Variants in ZCCHC17 observed in about 807,000 individuals in gnomAD.
ZCCHC17 encodes zinc finger CCHC-type containing 17, also known as zinc finger CCHC domain-containing protein 17.
In ZCCHC17, 18 loss-of-function variants were observed where a neutral mutation model predicts 30.6. That is an observed-to-expected ratio of 0.59 (90% CI 0.41 to 0.87). ZCCHC17 has a LOEUF of 0.87. Ranked by LOEUF, ZCCHC17 falls within the 40% of genes least tolerant of loss-of-function variation. The probability of loss-of-function intolerance (pLI) is 0.00; values close to 1 mark genes in which losing one functional copy is unlikely to be tolerated. For missense variants in ZCCHC17, 263 were observed against 284.2 expected (o/e 0.93, Z 0.54); for synonymous variants, 88 against 92.4 (o/e 0.95, Z 0.27).
At chr1:31,343,364 A>C (rs1639117370) in intron 5 of ZCCHC17, among the ~76,000 whole-genome samples, 2 of 152,234 alleles carry the variant, frequency 1.3e-5, no homozygotes, top group South Asian at 4.1e-4. Flanking sequence ...CCAGCCCATG[A>C]ATTTTTTTAA....
At chr1:31,349,629 G>A (rs572446101) in intron 7 of ZCCHC17, among the ~76,000 whole-genome samples, 2 of 152,194 alleles carry the variant, frequency 1.3e-5, no homozygotes, top group Admixed American at 6.5e-5. Flanking sequence ...CACGACACCC[G>A]TCCACTTTTT....
chr1:31,306,558 A>G (rs1459979705), intron 1 of ZCCHC17, among the ~76,000 whole-genome samples: 2 of 152,208 alleles, frequency 1.3e-5, no homozygotes, highest in Non-Finnish European at 2.9e-5. Flanking sequence ...GGAATTTTTC[A>G]TTTGGTGTTT....
At chr1:31,300,733 C>T (rs996620004) in intron 1 of ZCCHC17, among the ~76,000 whole-genome samples, 6 of 151,694 alleles carry the variant, frequency 4.0e-5, no homozygotes, top group Non-Finnish European at 7.4e-5. Flanking sequence ...GTCAGGAGTT[C>T]GAGACCATCC....
intron 5 of ZCCHC17, among the ~76,000 whole-genome samples, chr1:31,342,521 C>G (rs77850950): frequency 2.6e-5 from 4 of 152,170 alleles, no homozygotes; most frequent in South Asian, 4.1e-4. Context: ...TGAAACCGTT[C>G]CACCTTAGAT....
At chr1:31,357,449 CTA>C (rs1639684620) in intron 7 of ZCCHC17, among the ~76,000 whole-genome samples, 2 of 152,210 alleles carry the variant, frequency 1.3e-5, no homozygotes. Flanking sequence ...TTCCCACACA[CTA>C]TACTCCAGCT....
chr1:31,318,166 G>A, intron 2 of ZCCHC17: 1 of 1,534,080 alleles, frequency 6.5e-7, no homozygotes, highest in Non-Finnish European at 8.7e-7. Context: ...CCTTGTTTTA[G>A]TTATGGTGAA....
intron 3 of ZCCHC17, among the ~76,000 whole-genome samples, chr1:31,324,461 C>T (rs1169368781): frequency 1.3e-5 from 2 of 152,214 alleles, no homozygotes; most frequent in African/African-American, 2.4e-5. Flanking sequence ...GCAGCTGCCG[C>T]CACCCAGCCC....
intron 1 of ZCCHC17, among the ~76,000 whole-genome samples, chr1:31,299,679 G>A (rs1646260360): frequency 6.6e-6 from 1 of 152,172 alleles, no homozygotes; most frequent in Non-Finnish European, 1.5e-5. Flanking sequence ...TTATTTTGTG[G>A]GTTAGGTGTT....
intron 3 of ZCCHC17, among the ~76,000 whole-genome samples, chr1:31,324,602 A>C (rs1305687294): frequency 6.6e-6 from 1 of 152,190 alleles, no homozygotes; most frequent in Non-Finnish European, 1.5e-5. Context: ...TTTTGGAGCA[A>C]AGTCGAAGCT....
chr1:31,337,310 G>A (rs1638861030), intron 4 of ZCCHC17, 35 bp downstream of exon 4: 1 of 1,573,382 alleles, frequency 6.4e-7, no homozygotes, highest in Non-Finnish European at 8.7e-7. Context: ...TGGTTAGAAA[G>A]GATTAGGAAG....
At chr1:31,322,739 T>C (rs1569812455) in intron 3 of ZCCHC17, among the ~76,000 whole-genome samples, 1 of 130,644 alleles carries the variant, frequency 7.7e-6, no homozygotes, top group African/African-American at 2.9e-5. Context: ...TTTTTTTTTT[T>C]GAGAGGGAAT....
At chr1:31,359,707 T>C (rs2148483464) in intron 7 of ZCCHC17, among the ~76,000 whole-genome samples, 1 of 152,340 alleles carries the variant, frequency 6.6e-6, no homozygotes, top group Middle Eastern at 3.4e-3. Context: ...TATGTGCTTT[T>C]CCTAGAGAGC....
chr1:31,314,956 C>T (rs994039239), intron 2 of ZCCHC17, among the ~76,000 whole-genome samples: 1 of 152,116 alleles, frequency 6.6e-6, no homozygotes, highest in South Asian at 2.1e-4. Context: ...TGTGAGCCAC[C>T]GCACCCAGCC....
chr1:31,357,011 T>C (rs1639667798), intron 7 of ZCCHC17, among the ~76,000 whole-genome samples: 1 of 152,228 alleles, frequency 6.6e-6, no homozygotes, highest in Non-Finnish European at 1.5e-5. Context: ...TATGCCATCG[T>C]AGGTCTTTCT....
Position 31,364,258 on chromosome 1 carries a change from T to C in ZCCHC17, c.*65T>C. On this transcript the variant is annotated 3_prime_UTR_variant, in exon 8 of 8. Coordinates refer to ENST00000344147, the MANE Select transcript of ZCCHC17 (RefSeq NM_016505.4). Reference sequence around the variant, plus strand: ...CAGGAGCCTTGTGCCTTGAGACTCCTGGAAAGACTCAATAGTGAGAATATA... The same window carrying C: ...CAGGAGCCTTGTGCCTTGAGACTCCCGGAAAGACTCAATAGTGAGAATATA... The C allele has an allele frequency of 6.5e-7, 1 of 1,542,456 alleles. No individual in the cohort carries two copies. The highest frequency in any genetic ancestry group is 8.7e-7 in the Non-Finnish European group (1 of 1,148,756).
intron 5 of ZCCHC17, among the ~76,000 whole-genome samples, chr1:31,339,640 C>G (rs922744838): frequency 7.2e-5 from 11 of 152,228 alleles, no homozygotes; most frequent in Admixed American, 2.0e-4. Flanking sequence ...TTCCCTTAAT[C>G]TCTTTCTGTT....
rs1266219949 is a variant in ZCCHC17 at position 31,319,171 on chromosome 1, G to A, written c.124+5G>A. On this transcript the variant is annotated splice_donor_5th_base_variant and intron_variant, in intron 3 of 7. Transcript: ENST00000344147. ...TCCCAGGCTGTCGGAAGCAAGGTAG[G>A]AGTTTATAACTTGAAATTCAGCCCT... is the stretch of plus-strand genomic sequence containing the variant. 1.2e-6 allele frequency: 2 copies of A among 1,608,752 alleles called. No individual in the cohort carries two copies. Among genetic ancestry groups the A allele is most frequent in the East Asian group, 2.2e-5 (1 of 44,852 alleles).
At chr1:31,299,650 G>T (rs987970235) in intron 1 of ZCCHC17, among the ~76,000 whole-genome samples, 1 of 152,232 alleles carries the variant, frequency 6.6e-6, no homozygotes, top group Non-Finnish European at 1.5e-5. Flanking sequence ...AACTTTCCTG[G>T]ATTGTGGCAA....
intron 1 of ZCCHC17, among the ~76,000 whole-genome samples, chr1:31,300,505 C>A (rs1396500302): frequency 6.6e-6 from 1 of 152,098 alleles, no homozygotes; most frequent in Non-Finnish European, 1.5e-5. Flanking sequence ...CTGCAACTGT[C>A]CCGGGCTAGG....
Sources: allele counts gnomAD v4.1 joint callset (sites outside exome capture counted in the v4.1 genomes callset), GRCh38; gene constraint gnomAD v4.1.1; transcripts MANE v1.5; gene names NCBI Gene and HGNC (gene_info 2026-07-23, HGNC 2026-07-21).